The following EDARADD variants were observed in gnomAD, a reference collection of about 807,000 sequenced individuals.
EDARADD encodes the protein EDAR associated via death domain, also known as ectodysplasin-A receptor-associated adapter protein.
Under a neutral mutation model 25.6 loss-of-function variants are expected in EDARADD, and 20 were observed. The ratio of observed to expected loss-of-function variants is 0.78; its 90% CI spans 0.55 to 1.14. EDARADD has a LOEUF of 1.14. Ranked by LOEUF, EDARADD falls within the 50% of genes most tolerant of loss-of-function variation. The pLI, the probability that EDARADD is intolerant of heterozygous loss-of-function variation, is 0.00. For synonymous variants in EDARADD, 86 were observed against 94.4 expected, an observed-to-expected ratio of 0.91 and a Z score of 0.52; for missense variants, 225 against 270.1, an observed-to-expected ratio of 0.83 and a Z score of 1.17.
At chr1:236,402,669 C>T (rs1245254775) in intron 1 of EDARADD, among the ~76,000 whole-genome samples, 1 of 152,142 alleles carries the variant, frequency 6.6e-6, no homozygotes, top group Non-Finnish European at 1.5e-5. Context: ...ACCTTGGCTT[C>T]CCAAAGTGCT....
chr1:236,368,850 G>A (rs75526828), intron 3 of EDARADD, among the ~76,000 whole-genome samples: 44,619 of 151,814 alleles, frequency 0.29, 6,855 homozygotes, highest in African/African-American at 0.39. Context: ...TATAGTACTT[G>A]CTTTCTGTAT....
chr1:236,354,609 A>G (rs1185146976), intron 3 of EDARADD, among the ~76,000 whole-genome samples: 2 of 152,210 alleles, frequency 1.3e-5, no homozygotes, highest in Non-Finnish European at 2.9e-5. Flanking sequence ...ACTCCCTAAC[A>G]GTAGGAATTA....
chr1:236,392,600 C>T (rs564383679), upstream of EDARADD, among the ~76,000 whole-genome samples: 8 of 152,100 alleles, frequency 5.3e-5, no homozygotes, highest in African/African-American at 1.4e-4. Flanking sequence ...ATTCTCCTGC[C>T]TCAGCCTCCC....
Position 236,484,453 on chromosome 1 carries a change from A to AC in EDARADD, c.*1810dup, listed in dbSNP as rs1041999201. 4 of 1,607,302 alleles carry AC rather than the reference A, an allele frequency of 2.5e-6. No individual in the cohort carries two copies. The highest frequency in any genetic ancestry group is 3.4e-6 in the Non-Finnish European group (4 of 1,177,184). Reference sequence around the variant, plus strand: ...AAGTTTGCCGGCAGGAACTTCAGAAACCCCCCAGCCAAGTAAGCTGTGGGC... The same window carrying AC: ...AAGTTTGCCGGCAGGAACTTCAGAAACCCCCCCAGCCAAGTAAGCTGTGGGC... On this transcript the variant is annotated 3_prime_UTR_variant, in exon 6 of 6. Coordinates refer to ENST00000334232, the MANE Select transcript of EDARADD (RefSeq NM_145861.4). The surrounding 1 kb of genome is among the most constrained non-coding windows in gnomAD (Gnocchi z 4.1).
chr1:236,454,114 T>C (rs1206140350), intron 4 of EDARADD, among the ~76,000 whole-genome samples: 2 of 152,070 alleles, frequency 1.3e-5, no homozygotes, highest in African/African-American at 4.8e-5. Flanking sequence ...GGCGTGATCT[T>C]GGCTCACTGC....
intron 3 of EDARADD, among the ~76,000 whole-genome samples, chr1:236,352,072 A>G (rs1001817787): frequency 1.3e-5 from 2 of 152,152 alleles, no homozygotes; most frequent in African/African-American, 4.8e-5. Flanking sequence ...AGTCAGTCTT[A>G]GCCAGCTTGG....
intron 1 of EDARADD, among the ~76,000 whole-genome samples, chr1:236,397,463 G>T (rs1466005643): frequency 6.6e-5 from 10 of 152,058 alleles, no homozygotes; most frequent in Admixed American, 6.6e-4. Context: ...GGTGTTCTTA[G>T]TCTGCCCAGC....
At chr1:236,376,695 G>A (rs116682636) in intron 3 of EDARADD, among the ~76,000 whole-genome samples, 55 of 152,170 alleles carry the variant, frequency 3.6e-4, no homozygotes, top group South Asian at 1.2e-3. Context: ...TCCTGGATAC[G>A]TGGTTTGGTG....
At chr1:236,475,823 A>G (rs1395589727) in intron 5 of EDARADD, among the ~76,000 whole-genome samples, 2 of 152,114 alleles carry the variant, frequency 1.3e-5, no homozygotes, top group Non-Finnish European at 2.9e-5. Flanking sequence ...TCGGCATATT[A>G]TTTTTTAAAA....
At chr1:236,370,649 C>T (rs1436363040) in intron 3 of EDARADD, among the ~76,000 whole-genome samples, 3 of 152,038 alleles carry the variant, frequency 2.0e-5, no homozygotes, top group Non-Finnish European at 4.4e-5. Context: ...TGAGTCAGTT[C>T]CTGAGTGGGA....
upstream of EDARADD, among the ~76,000 whole-genome samples, chr1:236,390,689 G>A (rs1667411537): frequency 6.6e-6 from 1 of 152,150 alleles, no homozygotes; most frequent in African/African-American, 2.4e-5. Context: ...TGTATCAAAA[G>A]GATTAAAGGG....
chr1:236,369,451 T>A (rs1301072002), intron 3 of EDARADD, among the ~76,000 whole-genome samples: 1 of 152,250 alleles, frequency 6.6e-6, no homozygotes. Flanking sequence ...TCATCTGCCA[T>A]TTTGGCTTCT....
At chr1:236,464,962 A>G (rs1429108496) in intron 4 of EDARADD, among the ~76,000 whole-genome samples, 2 of 152,064 alleles carry the variant, frequency 1.3e-5, no homozygotes, top group South Asian at 4.2e-4. Context: ...AGGACCATGC[A>G]TTCAGCTCCT....
intron 4 of EDARADD, among the ~76,000 whole-genome samples, chr1:236,443,734 A>G (rs1045274277): frequency 2.6e-5 from 4 of 152,200 alleles, no homozygotes; most frequent in Non-Finnish European, 5.9e-5. Flanking sequence ...GACAACAAAG[A>G]GTTTAGAGTA....
intron 3 of EDARADD, among the ~76,000 whole-genome samples, chr1:236,420,722 T>C (rs1179868887): frequency 6.6e-6 from 1 of 152,182 alleles, no homozygotes; most frequent in Non-Finnish European, 1.5e-5. Flanking sequence ...CACTGGAATT[T>C]GATATCACGT....
chr1:236,394,285 C>T, upstream of EDARADD: 1 of 748,490 alleles, frequency 1.3e-6, no homozygotes, highest in Non-Finnish European at 2.3e-6. Flanking sequence ...TATCCGAAGG[C>T]AGACCAAGAG....
chr1:236,349,682 A>G (rs2102988908), intron 2 of EDARADD, among the ~76,000 whole-genome samples: 1 of 148,736 alleles, frequency 6.7e-6, no homozygotes, highest in South Asian at 2.1e-4. Flanking sequence ...TATTGTGTAG[A>G]GGAAGTTCTC....
At chr1:236,418,901 C>T (rs749348802) in intron 3 of EDARADD, among the ~76,000 whole-genome samples, 11 of 152,226 alleles carry the variant, frequency 7.2e-5, no homozygotes, top group African/African-American at 1.9e-4. Context: ...ATACACTCCC[C>T]GCCCCCGCTC....
chr1:236,394,011 A>T (rs72753321), upstream of EDARADD, among the ~76,000 whole-genome samples: 14 of 150,588 alleles, frequency 9.3e-5, no homozygotes, highest in Non-Finnish European at 1.6e-4. Context: ...AAAAAAAAAA[A>T]CCCTTAAAAT....
Sources: allele counts gnomAD v4.1 joint callset (sites outside exome capture counted in the v4.1 genomes callset), GRCh38; gene constraint gnomAD v4.1.1; non-coding constraint Gnocchi (gnomAD v3.1); transcripts MANE v1.5; gene names NCBI Gene and HGNC (gene_info 2026-07-23, HGNC 2026-07-21).